The following PER3 variants were observed in gnomAD, a reference collection of about 807,000 sequenced individuals.
The protein encoded by PER3 is period circadian protein homolog 3.
A neutral mutation model predicts 127.2 loss-of-function variants in PER3; 107 were observed. That is an observed-to-expected ratio of 0.84 (90% confidence interval 0.72 to 0.99). The LOEUF (loss-of-function observed/expected upper bound fraction) is 0.99, where lower values mean the gene tolerates loss of function less well. PER3 is among the 50% of genes least tolerant of loss of function. PER3 has a pLI of 0.00. For synonymous variants in PER3, 618 were observed against 585.8 expected (o/e 1.05, Z -0.79); for missense variants, 1,560 against 1,525.8 (o/e 1.02, Z -0.37).
chr1:7,841,148 A>C (rs1047004204), intron 21 of PER3, among the ~76,000 whole-genome samples: 3 of 152,254 alleles, frequency 2.0e-5, no homozygotes, highest in Admixed American at 2.0e-4. Flanking sequence ...CACTAAAAAA[A>C]ACTCAAAATG....
At chr1:7,800,880 C>G (rs114167192) in intron 7 of PER3, among the ~76,000 whole-genome samples, 1 of 151,176 alleles carries the variant, frequency 6.6e-6, no homozygotes, top group African/African-American at 2.4e-5. Flanking sequence ...CTTTCTCTCT[C>G]TGTTTAAAAT....
At chr1:7,785,738 C>T (rs768414165) in intron 3 of PER3, 152 bp downstream of exon 3, 8 of 640,204 alleles carry the variant, frequency 1.2e-5, no homozygotes, top group African/African-American at 7.3e-5. Flanking sequence ...CGATTCCATT[C>T]GTGTCTTAAT....
At chr1:7,823,052 A>AC (rs1251283475) in intron 16 of PER3, among the ~76,000 whole-genome samples, 1 of 152,188 alleles carries the variant, frequency 6.6e-6, no homozygotes, top group African/African-American at 2.4e-5. Flanking sequence ...CAGCTGAGGG[A>AC]CAGAGCAAGA....
chr1:7,830,924 C>A (rs920960797), intron 19 of PER3, among the ~76,000 whole-genome samples: 1 of 152,096 alleles, frequency 6.6e-6, no homozygotes, highest in Non-Finnish European at 1.5e-5. Context: ...CAACTTAATT[C>A]TTCTTTTCAA....
chr1:7,796,107 T>A (rs2097144020), intron 6 of PER3, among the ~76,000 whole-genome samples: 1 of 152,174 alleles, frequency 6.6e-6, no homozygotes, highest in African/African-American at 2.4e-5. Flanking sequence ...TCCATTGTTT[T>A]AAGCATGAGA....
intron 5 of PER3, among the ~76,000 whole-genome samples, chr1:7,792,966 C>T (rs1249452118): frequency 6.6e-6 from 1 of 152,212 alleles, no homozygotes; most frequent in East Asian, 1.9e-4. Context: ...ACTGACCTCA[C>T]AGTAGAGGCC....
At chr1:7,839,356 A>G (rs2097373433) in intron 21 of PER3, among the ~76,000 whole-genome samples, 1 of 152,264 alleles carries the variant, frequency 6.6e-6, no homozygotes, top group Non-Finnish European at 1.5e-5. Context: ...ATGAGATTAC[A>G]AATCAAAGTT....
chr1:7,791,070 T>C (rs1232173331), intron 5 of PER3, among the ~76,000 whole-genome samples: 1 of 152,130 alleles, frequency 6.6e-6, no homozygotes, highest in African/African-American at 2.4e-5. Context: ...CATTCTTAGG[T>C]CTGGAGGATG....
At position 7,827,664 on chromosome 1, in the gene PER3, AG is replaced by A. The variant is rs1312003209; in HGVS notation, c.2737del (p.Glu913LysfsTer23). 8.1e-6 allele frequency: 13 copies of A among 1,614,030 alleles called. No individual in the cohort carries two copies. The highest frequency in any genetic ancestry group is 1.0e-5 in the Non-Finnish European group (12 of 1,180,028). ...PPSVTSQRRE[E>X]EKWEAQSEGH... ...TCAGTCACCAGCCAAAGGAGAGAGG[AG>A]GAAAAGTGGGAGGCACAAAGCGAGG... On this transcript the variant is annotated frameshift_variant, in exon 18 of 22. Transcript: ENST00000377532. LOFTEE classifies it high-confidence loss of function.
chr1:7,824,072 T>A (rs1211011973), intron 16 of PER3, among the ~76,000 whole-genome samples: 1 of 152,210 alleles, frequency 6.6e-6, no homozygotes. Flanking sequence ...TAGAAAACAT[T>A]TCCAAATCGA....
intron 18 of PER3, 83 bp downstream of exon 18, chr1:7,827,898 T>C: frequency 1.9e-6 from 2 of 1,060,346 alleles, no homozygotes; most frequent in Non-Finnish European, 1.4e-6. Context: ...GACTCAGTGC[T>C]GACATTCTCA....
intron 10 of PER3, among the ~76,000 whole-genome samples, chr1:7,808,422 A>C (rs972490828): frequency 3.3e-5 from 5 of 152,168 alleles, no homozygotes; most frequent in Non-Finnish European, 7.3e-5. Flanking sequence ...AGGTATTGTA[A>C]TAGCTACATT....
chr1:7,832,772 G>A (rs2097338804), intron 19 of PER3, among the ~76,000 whole-genome samples: 1 of 149,876 alleles, frequency 6.7e-6, no homozygotes, highest in Middle Eastern at 3.2e-3. Flanking sequence ...TCTTTGAATT[G>A]AGATTTTTCC....
intron 19 of PER3, among the ~76,000 whole-genome samples, chr1:7,831,336 T>C (rs1279030328): frequency 6.6e-6 from 1 of 152,254 alleles, no homozygotes; most frequent in Non-Finnish European, 1.5e-5. Context: ...ACTCATTGAT[T>C]AGTTTTAGTA....
intron 3 of PER3, among the ~76,000 whole-genome samples, chr1:7,785,934 C>T (rs775299806): frequency 6.6e-6 from 1 of 152,208 alleles, no homozygotes; most frequent in Non-Finnish European, 1.5e-5. Context: ...GAAATAGTTA[C>T]CTTTACATGC....
Position 7,826,380 on chromosome 1 carries a change from A to G in PER3, c.1958-100A>G. 1.4e-6 allele frequency: 1 copy of G among 696,212 alleles called. No individual in the cohort carries two copies. The highest frequency in any genetic ancestry group is 1.7e-5 in the South Asian group (1 of 57,508). 43.1% of individuals were successfully genotyped at this position (696,212 alleles called of 1,614,324 possible). A position where few individuals can be genotyped will look rare whatever the true frequency, so the allele number is the denominator to read the frequency against. ...AGATTTTTCGTATTCCAGCAGTTAT[A>G]ATAATGTTTGTAAAAATGTATCAAA... On this transcript the variant is annotated intron_variant, in intron 16 of 21. Transcript: ENST00000377532. This position sits in a 1 kb window ranked among gnomAD's most constrained non-coding sequence, Gnocchi z 4.2.
At chr1:7,805,642 C>G (rs572432427) in intron 10 of PER3, among the ~76,000 whole-genome samples, 1 of 152,138 alleles carries the variant, frequency 6.6e-6, no homozygotes, top group African/African-American at 2.4e-5. Context: ...CCCCATACCC[C>G]CCAAGTACGG....
Position 7,835,751 on chromosome 1 carries a change from A to T in PER3, c.3215-11A>T. ...GGTCTTTTCTAATTATGTGTTGTTGATTTTTGACAGGAAGCAGCGACAGCA... is the reference window on the plus strand; with the variant it reads ...GGTCTTTTCTAATTATGTGTTGTTGTTTTTTGACAGGAAGCAGCGACAGCA... On this transcript the variant is annotated splice_polypyrimidine_tract_variant and intron_variant, in intron 19 of 21. Transcript: ENST00000377532. The T allele has an allele frequency of 6.3e-7, 1 of 1,592,770 alleles. No homozygotes were observed. Among genetic ancestry groups the T allele is most frequent in the Non-Finnish European group, 8.6e-7 (1 of 1,165,700 alleles).
At chr1:7,806,833 A>G (rs1157379159) in intron 10 of PER3, among the ~76,000 whole-genome samples, 2 of 140,606 alleles carry the variant, frequency 1.4e-5, no homozygotes, top group South Asian at 2.2e-4. Context: ...ATATATATAT[A>G]TATTACATAC....
Sources: gnomAD v4.1 joint callset for allele counts (sites outside exome capture counted in the v4.1 genomes callset) on GRCh38, gnomAD v4.1.1 for gene constraint, Gnocchi (gnomAD v3.1) non-coding constraint, MANE v1.5 for transcripts, NCBI Gene and HGNC (gene_info 2026-07-23, HGNC 2026-07-21) for gene names.